UNC5C: variants seen among roughly 807,000 people sequenced by gnomAD.
The protein encoded by UNC5C is unc-5 netrin receptor C, also known as netrin receptor UNC5C.
A neutral mutation model predicts 99.8 loss-of-function variants in UNC5C; 47 were observed. That is an observed-to-expected ratio of 0.47 (90% CI 0.37 to 0.60). UNC5C has a LOEUF of 0.60. Among genes scored for constraint, UNC5C ranks in the 20% least tolerant of loss-of-function variants. The probability of loss-of-function intolerance (pLI) is 0.00; values close to 1 mark genes in which losing one functional copy is unlikely to be tolerated. For synonymous variants in UNC5C, 487 were observed against 452.2 expected (o/e 1.08, Z -0.98); for missense variants, 1,062 against 1,165.9 (o/e 0.91, Z 1.30).
chr4:95,322,174 C>T (rs1742716077), intron 2 of UNC5C, among the ~76,000 whole-genome samples: 1 of 152,138 alleles, frequency 6.6e-6, no homozygotes, highest in East Asian at 1.9e-4. Context: ...CACATAACTT[C>T]CTTTTGAAAT....
At chr4:95,327,350 A>C (rs1233595508) in intron 2 of UNC5C, among the ~76,000 whole-genome samples, 2 of 152,164 alleles carry the variant, frequency 1.3e-5, no homozygotes, top group Admixed American at 6.5e-5. Flanking sequence ...AGAGGCAATA[A>C]AGTGGTATGG....
chr4:95,448,221 TGTGTGTGA>T (rs1560836805), intron 1 of UNC5C, among the ~76,000 whole-genome samples: 15 of 111,310 alleles, frequency 1.3e-4, no homozygotes, highest in Admixed American at 6.9e-4. Flanking sequence ...TGTGTGTGTG[TGTGTGTGA>T]GAGAGAGAGA....
chr4:95,365,896 A>AT (rs535779327), intron 1 of UNC5C, among the ~76,000 whole-genome samples: 380 of 149,442 alleles, frequency 2.5e-3, no homozygotes, highest in African/African-American at 8.4e-3. Context: ...AAGTGATGTG[A>AT]TTTTTTCCCC....
chr4:95,282,834 A>C (rs1479318916), intron 3 of UNC5C, among the ~76,000 whole-genome samples: 1 of 152,170 alleles, frequency 6.6e-6, no homozygotes, highest in African/African-American at 2.4e-5. Context: ...CACTTTTTAC[A>C]CAAAATGGAG....
At chr4:95,373,314 T>A (rs1289516424) in intron 1 of UNC5C, among the ~76,000 whole-genome samples, 1 of 152,160 alleles carries the variant, frequency 6.6e-6, no homozygotes. Context: ...TTATTCTATT[T>A]CCTAACATTT....
intron 3 of UNC5C, among the ~76,000 whole-genome samples, chr4:95,284,451 A>C (rs1741163700): frequency 6.6e-6 from 1 of 152,198 alleles, no homozygotes; most frequent in Admixed American, 6.5e-5. Context: ...CAAGAGAAAT[A>C]ATAGAAGAAA....
chr4:95,403,488 A>G (rs967488756), intron 1 of UNC5C, among the ~76,000 whole-genome samples: 2 of 152,256 alleles, frequency 1.3e-5, no homozygotes, highest in African/African-American at 4.8e-5. Flanking sequence ...ATAGTACTCA[A>G]TAAATACCTG....
At chr4:95,295,674 A>G (rs765718492) in intron 3 of UNC5C, among the ~76,000 whole-genome samples, 1 of 152,224 alleles carries the variant, frequency 6.6e-6, no homozygotes, top group African/African-American at 2.4e-5. Flanking sequence ...TAAGTTTAGC[A>G]TCGTGGTGAT....
At chr4:95,270,059 T>C (rs72887706) in intron 4 of UNC5C, among the ~76,000 whole-genome samples, 1,816 of 152,284 alleles carry the variant, frequency 0.012, 34 homozygotes, top group African/African-American at 0.041. Context: ...AATACTCTTC[T>C]GTAGACTTTC....
chr4:95,484,746 A>G (rs1396868932), intron 1 of UNC5C, among the ~76,000 whole-genome samples: 2 of 151,850 alleles, frequency 1.3e-5, no homozygotes, highest in East Asian at 1.9e-4. Context: ...AACTGCTGCT[A>G]AAGCCTAGCC....
intron 1 of UNC5C, among the ~76,000 whole-genome samples, chr4:95,383,915 G>T (rs1030867211): frequency 6.6e-6 from 1 of 152,006 alleles, no homozygotes; most frequent in African/African-American, 2.4e-5. Context: ...AAGACCAAAT[G>T]GTTTCCTCTT....
intron 2 of UNC5C, among the ~76,000 whole-genome samples, chr4:95,328,040 CTTTTT>C (rs34794058): frequency 0.18 from 15,879 of 87,634 alleles, 1,251 homozygotes; most frequent in African/African-American, 0.25. Context: ...CAGGCAACTT[CTTTTT>C]TTTTTTTTTT....
At position 95,162,898 on chromosome 4, in the gene UNC5C, C is replaced by A. The variant is rs1735729480; in HGVS notation, c.*6336G>T. ...CCGACCTTTCTGCAGTTGAACTGTT[C>A]CAAAGGGGACAGTAGGTGGATGACA... On this transcript the variant is annotated 3_prime_UTR_variant, in exon 16 of 16. Transcript: ENST00000453304. 6.6e-6 allele frequency: 1 copy of A among 152,188 alleles called. No individual in the cohort carries two copies. Among genetic ancestry groups the A allele is most frequent in the Admixed American group, 6.5e-5 (1 of 15,286 alleles). The allele number at this position is 152,188 out of a possible 1,614,324, so 9.4% of individuals were successfully genotyped here.
chr4:95,180,452 C>A (rs954946009), intron 14 of UNC5C, among the ~76,000 whole-genome samples: 1 of 152,226 alleles, frequency 6.6e-6, no homozygotes, highest in South Asian at 2.1e-4. Flanking sequence ...CTTTTATCAT[C>A]TTTTACATTT....
chr4:95,391,890 C>T (rs1745371571), intron 1 of UNC5C, among the ~76,000 whole-genome samples: 1 of 151,834 alleles, frequency 6.6e-6, no homozygotes, highest in Non-Finnish European at 1.5e-5. Context: ...CAGCCTGGGC[C>T]ATGTAGAGAA....
chr4:95,412,547 G>T (rs17023782), intron 1 of UNC5C, among the ~76,000 whole-genome samples: 8,698 of 152,172 alleles, frequency 0.057, 442 homozygotes, highest in African/African-American at 0.14. Flanking sequence ...ATGTTTGTTG[G>T]ATAAATGAAT....
chr4:95,282,779 A>G (rs1251621673), intron 3 of UNC5C, among the ~76,000 whole-genome samples: 2 of 152,180 alleles, frequency 1.3e-5, no homozygotes, highest in African/African-American at 4.8e-5. Context: ...TGGGGGTCTT[A>G]TGACCTATGA....
At chr4:95,447,114 A>G (rs890514915) in intron 1 of UNC5C, among the ~76,000 whole-genome samples, 7 of 152,192 alleles carry the variant, frequency 4.6e-5, no homozygotes, top group Non-Finnish European at 8.8e-5. Flanking sequence ...TTTTATCTAG[A>G]TACATCTTCT....
chr4:95,175,847 T>G (rs537277214), intron 14 of UNC5C, among the ~76,000 whole-genome samples: 99 of 152,042 alleles, frequency 6.5e-4, no homozygotes, highest in African/African-American at 2.2e-3. Context: ...GTTTTCCAAC[T>G]TGGTTCCATT....
Sources: gnomAD v4.1 joint callset for allele counts (sites outside exome capture counted in the v4.1 genomes callset) on GRCh38, gnomAD v4.1.1 for gene constraint, MANE v1.5 for transcripts, NCBI Gene and HGNC (gene_info 2026-07-23, HGNC 2026-07-21) for gene names.